The following CSDE1 variants were observed in gnomAD, a reference collection of about 807,000 sequenced individuals.
The protein encoded by CSDE1 is cold shock domain containing E1.
A neutral mutation model predicts 89.3 loss-of-function variants in CSDE1; 17 were observed. The ratio of observed to expected loss-of-function variants is 0.19; its 90% CI spans 0.13 to 0.29. The LOEUF is 0.29. Among genes scored for constraint, CSDE1 ranks in the 10% least tolerant of loss-of-function variants. CSDE1 has a pLI of 1.00. For missense variants in CSDE1, 672 were observed against 984.2 expected, an observed-to-expected ratio of 0.68 and a Z score of 4.24; for synonymous variants, 322 against 332.8, an observed-to-expected ratio of 0.97 and a Z score of 0.35.
At chr1:114,740,355 T>C (rs764009254) in intron 2 of CSDE1, among the ~76,000 whole-genome samples, 1 of 152,244 alleles carries the variant, frequency 6.6e-6, no homozygotes, top group Non-Finnish European at 1.5e-5. Context: ...TTGGAAGGCA[T>C]ATTTCAAGTT....
intron 2 of CSDE1, among the ~76,000 whole-genome samples, chr1:114,743,743 A>G (rs1570942633): frequency 6.6e-6 from 1 of 152,228 alleles, no homozygotes; most frequent in African/African-American, 2.4e-5. Context: ...GAATGTTGGA[A>G]TCTGGGCTCT....
chr1:114,725,137 A>C, intron 15 of CSDE1, 84 bp downstream of exon 15: 1 of 995,014 alleles, frequency 1.0e-6, no homozygotes, highest in Non-Finnish European at 1.6e-6. Context: ...GATGTAGAAT[A>C]ATTAGGCCTC....
At chr1:114,720,165 T>C (rs1659434785) in intron 17 of CSDE1, 1 of 214,004 alleles carries the variant, frequency 4.7e-6, no homozygotes, top group African/African-American at 2.3e-5. Flanking sequence ...AAGACTAAGT[T>C]TGTTTGCCCT....
chr1:114,728,495 T>C (rs1244105264), intron 12 of CSDE1, among the ~76,000 whole-genome samples: 2 of 152,048 alleles, frequency 1.3e-5, no homozygotes, highest in East Asian at 1.9e-4. Flanking sequence ...AGAAGCATGA[T>C]GACAGAGGAT....
At position 114,757,940 on chromosome 1, in the gene CSDE1, C is replaced by T. The variant is rs956698725; in HGVS notation, c.-403G>A. On this transcript the variant is annotated 5_prime_UTR_variant, in exon 1 of 20. Transcript: ENST00000358528. ...TCGTACTCACCCCAACAGCTCAGCG[C>T]CCCCTCTCCAGCGCCGCCATAAGCA... 2.0e-5 allele frequency: 3 copies of T among 152,896 alleles called. No individual in the cohort carries two copies. The highest frequency in any genetic ancestry group is 2.9e-5 in the Non-Finnish European group (2 of 68,270). 9.5% of individuals were successfully genotyped at this position (152,896 alleles called of 1,614,324 possible). A position where few individuals can be genotyped will look rare whatever the true frequency, so the allele number is the denominator to read the frequency against.
At chr1:114,746,428 A>G (rs1388313237) in intron 2 of CSDE1, 1 of 152,158 alleles carries the variant, frequency 6.6e-6, no homozygotes, top group Admixed American at 6.5e-5. Flanking sequence ...TAAAAAAACT[A>G]TAACCTAATG....
chr1:114,735,886 C>T (rs1660373372), intron 6 of CSDE1, among the ~76,000 whole-genome samples: 1 of 152,090 alleles, frequency 6.6e-6, no homozygotes, highest in African/African-American at 2.4e-5. Context: ...AGGAAATAGA[C>T]CTTAGACTTA....
rs182329798 is a variant in CSDE1 at position 114,735,990 on chromosome 1, A to G, written c.500+768T>C. ...CATCTCACACTCAAAAATTGCCAAGATAAGTATGATTCTTTTCCCACCTTG... is the reference window on the plus strand; with the variant it reads ...CATCTCACACTCAAAAATTGCCAAGGTAAGTATGATTCTTTTCCCACCTTG... On this transcript the variant is annotated intron_variant, in intron 6 of 19. Coordinates refer to ENST00000358528, the MANE Select transcript of CSDE1 (RefSeq NM_001007553.3). 2.6e-5 allele frequency among the ~76,000 whole-genome samples: 4 copies of G among 152,290 alleles called. No individual in the cohort carries two copies. The East Asian group carries it at 5.8e-4, about 22-fold the overall frequency.
chr1:114,745,255 G>A (rs1660953387), intron 2 of CSDE1, among the ~76,000 whole-genome samples: 1 of 152,076 alleles, frequency 6.6e-6, no homozygotes, highest in Non-Finnish European at 1.5e-5. Context: ...TCTGAAATGT[G>A]AAAAAAGCTT....
intron 2 of CSDE1, among the ~76,000 whole-genome samples, chr1:114,747,624 C>G (rs933262829): frequency 6.6e-6 from 1 of 152,146 alleles, no homozygotes; most frequent in Non-Finnish European, 1.5e-5. Context: ...CTTTGGGAGG[C>G]CGAGGCGGGT....
At chr1:114,757,749 T>C (rs6696332) in intron 1 of CSDE1, among the ~76,000 whole-genome samples, 176 bp downstream of exon 1, 21,600 of 152,084 alleles carry the variant, frequency 0.14, 2,126 homozygotes, top group Non-Finnish European at 0.21. Flanking sequence ...GCCCAGGCAG[T>C]TGAACGGGAG....
At chr1:114,739,914 T>C (rs763712690) in intron 2 of CSDE1, 24 bp from the exon 3 acceptor site, 1 of 1,565,720 alleles carries the variant, frequency 6.4e-7, no homozygotes, top group Non-Finnish European at 8.8e-7. Context: ...AAAAAGAATA[T>C]ATACATATCT....
intron 15 of CSDE1, 29 bp from the exon 16 acceptor site, chr1:114,724,031 A>G (rs748449200): frequency 1.2e-6 from 2 of 1,602,288 alleles, no homozygotes; most frequent in Non-Finnish European, 1.7e-6. Flanking sequence ...TACATCTTTC[A>G]ATTTTATTTC....
Position 114,721,523 on chromosome 1 carries a change from G to A in CSDE1, c.1874-806C>T, listed in dbSNP as rs548944369. Reference sequence around the variant, plus strand: ...CTCAGTCAACAATAGTGGAAAACATGAGAAAAACAGGTGGGAAGCAGAAGC... The same window carrying A: ...CTCAGTCAACAATAGTGGAAAACATAAGAAAAACAGGTGGGAAGCAGAAGC... On this transcript the variant is annotated intron_variant, in intron 16 of 19. Coordinates refer to ENST00000358528, the MANE Select transcript of CSDE1 (RefSeq NM_001007553.3). Among the ~76,000 whole-genome samples, 55 of 152,308 alleles carry A rather than the reference G, an allele frequency of 3.6e-4. 1 individual carries two copies. Among genetic ancestry groups the A allele is most frequent in the African/African-American group, 1.3e-3 (53 of 41,564 alleles).
Position 114,718,025 on chromosome 1 carries a change from G to T in CSDE1, c.*144C>A. The T allele has an allele frequency of 1.4e-6, 1 of 725,374 alleles. No individual in the cohort carries two copies. The highest frequency in any genetic ancestry group is 2.4e-6 in the Non-Finnish European group (1 of 423,014). The allele number at this position is 725,374 out of a possible 1,614,324, so 44.9% of individuals were successfully genotyped here. A position where few individuals can be genotyped will look rare whatever the true frequency, so the allele number is the denominator to read the frequency against. On this transcript the variant is annotated 3_prime_UTR_variant, in exon 20 of 20. Transcript: ENST00000358528. ...ATTTATTTTTTTAAACATAACACGAGGAAGGTGTTAAAACTGGTGTAATAG... is the reference window on the plus strand; with the variant it reads ...ATTTATTTTTTTAAACATAACACGATGAAGGTGTTAAAACTGGTGTAATAG...
chr1:114,724,043 T>C (rs773573455), intron 15 of CSDE1, 41 bp from the exon 16 acceptor site: 1 of 1,595,786 alleles, frequency 6.3e-7, no homozygotes, highest in Admixed American at 1.7e-5. Context: ...TTTTATTTCA[T>C]CTCTACTACA....
chr1:114,742,686 T>C (rs1285626821), intron 2 of CSDE1, among the ~76,000 whole-genome samples: 39 of 152,182 alleles, frequency 2.6e-4, no homozygotes, highest in Admixed American at 2.6e-3. Flanking sequence ...GGAACTGACA[T>C]TTCTATTCCT....
intron 2 of CSDE1, among the ~76,000 whole-genome samples, chr1:114,745,014 T>TG (rs1660940670): frequency 6.6e-6 from 1 of 151,758 alleles, no homozygotes; most frequent in African/African-American, 2.4e-5. Flanking sequence ...AAAAAAAACT[T>TG]GAATTTTTGC....
chr1:114,717,777 G>A lies in CSDE1; in HGVS notation c.*392C>T, dbSNP rs1247262100. ...AGTGCTAAGGCAGAACATCTTGCCA[G>A]AAGTAATTAATGAAGGTAGAGTATA... On this transcript the variant is annotated 3_prime_UTR_variant, in exon 20 of 20. Coordinates refer to ENST00000358528, the MANE Select transcript of CSDE1 (RefSeq NM_001007553.3). The A allele has an allele frequency of 3.8e-5, 7 of 182,344 alleles. No homozygotes were observed. Among genetic ancestry groups the A allele is most frequent in the Non-Finnish European group, 8.0e-5 (7 of 87,962 alleles). The allele number at this position is 182,344 out of a possible 1,614,324, so 11.3% of individuals were successfully genotyped here.
Sources: gnomAD v4.1 joint callset for allele counts (sites outside exome capture counted in the v4.1 genomes callset) on GRCh38, gnomAD v4.1.1 for gene constraint, MANE v1.5 for transcripts, NCBI Gene and HGNC (gene_info 2026-07-23, HGNC 2026-07-21) for gene names.